The following GTF2IRD1 variants were observed in gnomAD, a reference collection of about 807,000 sequenced individuals.
GTF2IRD1 encodes GTF2I repeat domain containing 1, also known as general transcription factor II-I repeat domain-containing protein 1.
Under a neutral mutation model 113.2 loss-of-function variants are expected in GTF2IRD1, and 26 were observed. The ratio of observed to expected loss-of-function variants is 0.23; its 90% confidence interval spans 0.17 to 0.32. GTF2IRD1 has a LOEUF of 0.32. Among genes scored for constraint, GTF2IRD1 ranks in the 10% least tolerant of loss-of-function variants. The pLI is 1.00. For missense variants in GTF2IRD1, 864 were observed against 1,280.8 expected (o/e 0.67, Z 4.97); for synonymous variants, 484 against 529.1 (o/e 0.91, Z 1.17).
At chr7:74,456,412 A>G (rs911504151) in intron 1 of GTF2IRD1, among the ~76,000 whole-genome samples, 3 of 152,162 alleles carry the variant, frequency 2.0e-5, no homozygotes, top group Non-Finnish European at 4.4e-5. Flanking sequence ...GGCCGGGCGC[A>G]GTGGCTCACG....
chr7:74,504,623 T>C (rs1261213165), intron 1 of GTF2IRD1, among the ~76,000 whole-genome samples: 1 of 151,840 alleles, frequency 6.6e-6, no homozygotes, highest in Non-Finnish European at 1.5e-5. Flanking sequence ...CTGGAGCTAG[T>C]GCCTTTCTTG....
At chr7:74,474,071 A>C (rs1445918214) in intron 1 of GTF2IRD1, among the ~76,000 whole-genome samples, 2 of 92,988 alleles carry the variant, frequency 2.2e-5, no homozygotes, top group African/African-American at 6.2e-5. Flanking sequence ...TAAAAATACA[A>C]AAAAAAAAAA....
At chr7:74,456,089 G>A (rs1015930904) in intron 1 of GTF2IRD1, among the ~76,000 whole-genome samples, 1 of 152,130 alleles carries the variant, frequency 6.6e-6, no homozygotes, top group African/African-American at 2.4e-5. Context: ...CCAGGAGCCC[G>A]GCTAGCCTTC....
chr7:74,491,035 C>T (rs568674161), intron 1 of GTF2IRD1, among the ~76,000 whole-genome samples: 42 of 152,182 alleles, frequency 2.8e-4, no homozygotes, highest in South Asian at 1.9e-3. Context: ...AGGCCGAGTG[C>T]GGTGGCTCAT....
chr7:74,526,598 A>C (rs1235485798), intron 8 of GTF2IRD1, among the ~76,000 whole-genome samples: 1 of 152,170 alleles, frequency 6.6e-6, no homozygotes, highest in Non-Finnish European at 1.5e-5. Flanking sequence ...AGGAGGGTGC[A>C]TGGTGGCACT....
intron 1 of GTF2IRD1, among the ~76,000 whole-genome samples, chr7:74,468,318 G>A (rs139892860): frequency 1.1e-3 from 167 of 150,688 alleles, no homozygotes; most frequent in African/African-American, 3.9e-3. Flanking sequence ...CCTGGGCAAC[G>A]TAGTGAGACC....
At chr7:74,485,250 C>T (rs1477351574) in intron 1 of GTF2IRD1, among the ~76,000 whole-genome samples, 2 of 152,208 alleles carry the variant, frequency 1.3e-5, no homozygotes, top group Non-Finnish European at 2.9e-5. Context: ...TGTTTGGACA[C>T]ACTTTCCTCA....
intron 2 of GTF2IRD1, among the ~76,000 whole-genome samples, chr7:74,511,392 G>A (rs936168440): frequency 3.3e-5 from 5 of 152,220 alleles, no homozygotes; most frequent in Admixed American, 6.5e-5. Context: ...TGGTCTCGGC[G>A]TCTTCAGCTG....
intron 1 of GTF2IRD1, among the ~76,000 whole-genome samples, chr7:74,496,299 CATGTGT>C (rs1554337876): frequency 8.4e-6 from 1 of 119,660 alleles, no homozygotes; most frequent in Admixed American, 9.0e-5. Flanking sequence ...TGTGGGTGTG[CATGTGT>C]GTGGGGGTGG....
intron 13 of GTF2IRD1, 49 bp downstream of exon 13, chr7:74,538,809 G>A (rs782109644): frequency 1.4e-5 from 14 of 1,000,426 alleles, no homozygotes; most frequent in South Asian, 9.1e-5. Flanking sequence ...GGGCCGGACC[G>A]TTAGCCTCCT....
intron 1 of GTF2IRD1, among the ~76,000 whole-genome samples, chr7:74,476,366 C>T (rs1584477622): frequency 8.2e-6 from 1 of 122,162 alleles, no homozygotes; most frequent in Non-Finnish European, 1.6e-5. Flanking sequence ...TCTGAACCTC[C>T]TTTTTTTTTT....
chr7:74,457,885 T>G (rs1427938715), intron 1 of GTF2IRD1, among the ~76,000 whole-genome samples: 34 of 144,114 alleles, frequency 2.4e-4, no homozygotes, highest in Admixed American at 1.1e-3. Flanking sequence ...TTGTTTTTTT[T>G]TTTTTTTTTT....
rs76370044 is a variant in GTF2IRD1 at position 74,484,500 on chromosome 7, C to G, written c.-6-23575C>G. ...ATTGGAGTCTCACTCTTTCACCCACCCAGGCTGGAGCGAAGTGGTGCGATC... is the reference window on the plus strand; with the variant it reads ...ATTGGAGTCTCACTCTTTCACCCACGCAGGCTGGAGCGAAGTGGTGCGATC... On this transcript the variant is annotated intron_variant, in intron 1 of 26. Transcript: ENST00000424337. Among the ~76,000 whole-genome samples, 143 of 150,984 alleles carry G rather than the reference C, an allele frequency of 9.5e-4. 1 individual carries two copies. In the East Asian group the frequency reaches 0.022, roughly 23 times the overall value.
intron 1 of GTF2IRD1, among the ~76,000 whole-genome samples, chr7:74,483,385 A>AT (rs1343413942): frequency 2.5e-4 from 38 of 150,156 alleles, no homozygotes; most frequent in African/African-American, 9.0e-4. Context: ...AAAAAAAAAA[A>AT]TTTTTTTTTT....
At chr7:74,548,358 C>T (rs1799085803) in intron 17 of GTF2IRD1, among the ~76,000 whole-genome samples, 1 of 150,908 alleles carries the variant, frequency 6.6e-6, no homozygotes, top group Non-Finnish European at 1.5e-5. Flanking sequence ...GGAGGTGGAG[C>T]TTGCAGTGAG....
intron 5 of GTF2IRD1, among the ~76,000 whole-genome samples, chr7:74,518,923 C>T (rs587688222): frequency 8.5e-5 from 13 of 152,072 alleles, no homozygotes; most frequent in South Asian, 2.1e-4. Flanking sequence ...GTGTCAGAAA[C>T]GGGAGAACCA....
Position 74,555,242 on chromosome 7 carries a change from G to A in GTF2IRD1, c.1966+19G>A. ...AGTCAAGGTACCCAGCGCGGGGTCGGGAGCCATGGTGTGGGCGGGCAAGGG... is the reference window on the plus strand; with the variant it reads ...AGTCAAGGTACCCAGCGCGGGGTCGAGAGCCATGGTGTGGGCGGGCAAGGG... On this transcript the variant is annotated intron_variant, in intron 18 of 26. Transcript: ENST00000424337. The surrounding 1 kb of genome is among the most constrained non-coding windows in gnomAD (Gnocchi z 5.3). 2 of 1,611,612 alleles carry A rather than the reference G, an allele frequency of 1.2e-6. No individual in the cohort carries two copies. The highest frequency in any genetic ancestry group is 1.7e-6 in the Non-Finnish European group (2 of 1,178,612).
chr7:74,454,194 G>C lies in GTF2IRD1; in HGVS notation c.-7+18G>C, dbSNP rs1415211590. On this transcript the variant is annotated intron_variant, in intron 1 of 26. Coordinates refer to ENST00000424337, the MANE Select transcript of GTF2IRD1 (RefSeq NM_005685.4). The stretch of plus-strand genomic sequence containing the variant: ...CCTCCAAGGTAGGAGAAACTTTTGC[G>C]GGGGGCGGGCACCGAGGCCCTTCTC... 6.6e-6 allele frequency: 1 copy of C among 151,668 alleles called. No individual in the cohort carries two copies. Among genetic ancestry groups the C allele is most frequent in the African/African-American group, 2.4e-5 (1 of 41,290 alleles). The allele number at this position is 151,668 out of a possible 1,614,324, so 9.4% of individuals were successfully genotyped here.
chr7:74,464,931 A>G (rs1554330455), intron 1 of GTF2IRD1, among the ~76,000 whole-genome samples: 1 of 151,932 alleles, frequency 6.6e-6, no homozygotes, highest in African/African-American at 2.4e-5. Flanking sequence ...GCCTGGAAAG[A>G]GGTTAGCCCT....
Sources: allele counts gnomAD v4.1 joint callset (sites outside exome capture counted in the v4.1 genomes callset), GRCh38; gene constraint gnomAD v4.1.1; non-coding constraint Gnocchi (gnomAD v3.1); transcripts MANE v1.5; gene names NCBI Gene and HGNC (gene_info 2026-07-23, HGNC 2026-07-21).